RARB: variants seen among roughly 807,000 people sequenced by gnomAD.
RARB encodes HBV-activated protein.
RARB carries 17 observed loss-of-function variants against 51.9 expected under a neutral mutation model. The ratio of observed to expected loss-of-function variants is 0.33; its 90% CI spans 0.22 to 0.49. The LOEUF is 0.49. Among genes scored for constraint, RARB ranks in the 20% least tolerant of loss-of-function variants. The pLI is 0.99. For synonymous variants in RARB, 215 were observed against 195.4 expected (o/e 1.10, Z -0.84); for missense variants, 369 against 550.8 (o/e 0.67, Z 3.30).
intron 5 of RARB, among the ~76,000 whole-genome samples, chr3:25,334,060 A>T (rs1162218527): frequency 6.6e-6 from 1 of 152,222 alleles, no homozygotes; most frequent in African/African-American, 2.4e-5. Context: ...AGAAACAGGA[A>T]CACTTTTACA....
At chr3:24,873,651 TTATC>T (rs931251296) in intron 2 of RARB, among the ~76,000 whole-genome samples, 1 of 151,892 alleles carries the variant, frequency 6.6e-6, no homozygotes, top group African/African-American at 2.4e-5. Flanking sequence ...AAATTGTTAT[TTATC>T]AGTCTTCCCT....
intron 5 of RARB, among the ~76,000 whole-genome samples, chr3:25,254,219 A>G (rs993468267): frequency 3.9e-5 from 6 of 152,172 alleles, no homozygotes; most frequent in Admixed American, 6.5e-5. Flanking sequence ...AGTGTTTCCT[A>G]TTATCCGAAA....
chr3:25,372,507 A>G (rs1189332185), intron 5 of RARB, among the ~76,000 whole-genome samples: 1 of 152,232 alleles, frequency 6.6e-6, no homozygotes, highest in Non-Finnish European at 1.5e-5. Context: ...AGGCAAGAGA[A>G]GATGGTAGTT....
At chr3:24,997,797 C>T (rs943059294) in intron 2 of RARB, among the ~76,000 whole-genome samples, 4 of 152,082 alleles carry the variant, frequency 2.6e-5, no homozygotes, top group Admixed American at 6.6e-5. Flanking sequence ...ACTGTATATA[C>T]GTGTAAAAAT....
At chr3:25,311,158 G>T (rs761872846) in intron 5 of RARB, among the ~76,000 whole-genome samples, 25 of 152,182 alleles carry the variant, frequency 1.6e-4, no homozygotes, top group Non-Finnish European at 3.1e-4. Flanking sequence ...AAGGACTTTA[G>T]ATTCTAAGTA....
chr3:25,361,262 T>C (rs893208567), intron 5 of RARB, among the ~76,000 whole-genome samples: 2 of 152,186 alleles, frequency 1.3e-5, no homozygotes, highest in Non-Finnish European at 2.9e-5. Flanking sequence ...TCTTCTGATT[T>C]ATCAATTCAG....
intron 2 of RARB, among the ~76,000 whole-genome samples, chr3:24,992,180 A>G (rs1483433075): frequency 1.3e-5 from 2 of 152,186 alleles, no homozygotes; most frequent in Non-Finnish European, 2.9e-5. Context: ...GTTTGGAAGA[A>G]GTAGAATTAA....
intron 3 of RARB, among the ~76,000 whole-genome samples, chr3:25,531,823 CA>C (rs1483512850): frequency 1.3e-5 from 2 of 151,394 alleles, no homozygotes; most frequent in East Asian, 1.9e-4. Flanking sequence ...TTGAGAGGGG[CA>C]AAGAAGAGCT....
intron 2 of RARB, among the ~76,000 whole-genome samples, chr3:25,036,754 C>T (rs1698003336): frequency 6.6e-6 from 1 of 152,066 alleles, no homozygotes; most frequent in Non-Finnish European, 1.5e-5. Flanking sequence ...GTCGAAAAGG[C>T]ATCACTACAA....
intron 4 of RARB, among the ~76,000 whole-genome samples, chr3:25,148,342 T>A (rs1700228101): frequency 6.6e-6 from 1 of 152,244 alleles, no homozygotes; most frequent in African/African-American, 2.4e-5. Flanking sequence ...TTGGTGAACA[T>A]GGCAGATACT....
intron 2 of RARB, among the ~76,000 whole-genome samples, chr3:24,980,549 A>T (rs540930572): frequency 6.6e-6 from 1 of 152,096 alleles, no homozygotes; most frequent in East Asian, 1.9e-4. Flanking sequence ...CTTCCACTTG[A>T]TCGAATCGGC....
intron 5 of RARB, among the ~76,000 whole-genome samples, chr3:25,253,485 G>T (rs1032722347): frequency 2.6e-5 from 4 of 151,986 alleles, no homozygotes; most frequent in Admixed American, 2.6e-4. Context: ...CCACATACTA[G>T]GTTTTCTAGA....
chr3:24,942,123 C>T (rs965733715), intron 2 of RARB, among the ~76,000 whole-genome samples: 13 of 152,194 alleles, frequency 8.5e-5, no homozygotes, highest in African/African-American at 3.1e-4. Context: ...GTGACTTGTT[C>T]AAGGTCACAC....
chr3:25,086,009 T>TTA (rs1426172506), intron 3 of RARB, among the ~76,000 whole-genome samples: 1 of 152,190 alleles, frequency 6.6e-6, no homozygotes, highest in Non-Finnish European at 1.5e-5. Flanking sequence ...CTCAAGCTCC[T>TTA]TACATCTTAC....
chr3:25,518,050 G>C (rs550516434), intron 3 of RARB, among the ~76,000 whole-genome samples: 1 of 152,270 alleles, frequency 6.6e-6, no homozygotes, highest in African/African-American at 2.4e-5. Flanking sequence ...GGTGGTGACT[G>C]TTTCACAATT....
At chr3:25,057,384 T>C (rs1464202117) in intron 2 of RARB, among the ~76,000 whole-genome samples, 1 of 152,132 alleles carries the variant, frequency 6.6e-6, no homozygotes, top group Non-Finnish European at 1.5e-5. Flanking sequence ...TTCACTATTC[T>C]GGCCGTTTTT....
chr3:25,536,179 A>G (rs1699134387), intron 3 of RARB, among the ~76,000 whole-genome samples: 1 of 152,246 alleles, frequency 6.6e-6, no homozygotes, highest in Admixed American at 6.5e-5. Context: ...TAGGGAAACA[A>G]AAAAATAACT....
At chr3:25,439,549 G>A (rs1708573811) in intron 1 of RARB, among the ~76,000 whole-genome samples, 1 of 152,080 alleles carries the variant, frequency 6.6e-6, no homozygotes, top group African/African-American at 2.4e-5. Context: ...GAGACTACAG[G>A]TGTGTGTCAT....
intron 5 of RARB, among the ~76,000 whole-genome samples, chr3:25,592,956 G>T (rs1425915376): frequency 6.6e-6 from 1 of 152,118 alleles, no homozygotes; most frequent in Non-Finnish European, 1.5e-5. Context: ...GTCAGATTCA[G>T]TTACATGTTA....
Sources: allele counts gnomAD v4.1 joint callset (sites outside exome capture counted in the v4.1 genomes callset), GRCh38; gene constraint gnomAD v4.1.1; transcripts MANE v1.5; gene names NCBI Gene and HGNC (gene_info 2026-07-23, HGNC 2026-07-21).